Variants in IQCM observed in about 807,000 individuals in gnomAD.
IQCM encodes IQ motif containing M.
In IQCM, 45 loss-of-function variants were observed where a neutral mutation model predicts 57.6. That is an observed-to-expected ratio of 0.78 (90% CI 0.62 to 1.00). The LOEUF is 1.00. IQCM is among the 50% of genes least tolerant of loss of function. IQCM has a pLI of 0.00. For missense variants in IQCM, 468 were observed against 511.6 expected, an observed-to-expected ratio of 0.91 and a Z score of 0.82; for synonymous variants, 148 against 158.9, an observed-to-expected ratio of 0.93 and a Z score of 0.51.
intron 7 of IQCM, among the ~76,000 whole-genome samples, chr4:149,658,711 A>C (rs1276922303): frequency 6.6e-6 from 1 of 151,842 alleles, no homozygotes; most frequent in Non-Finnish European, 1.5e-5. Flanking sequence ...GGTTTAGTTT[A>C]TTTCTAGGTA....
chr4:149,539,995 T>A (rs927010050), intron 12 of IQCM, among the ~76,000 whole-genome samples: 1 of 152,152 alleles, frequency 6.6e-6, no homozygotes, highest in African/African-American at 2.4e-5. Flanking sequence ...ATTAACCTGT[T>A]AAGCAACTTT....
At chr4:149,715,994 A>G (rs1208753003) in intron 5 of IQCM, among the ~76,000 whole-genome samples, 9 of 152,174 alleles carry the variant, frequency 5.9e-5, no homozygotes, top group Non-Finnish European at 8.8e-5. Flanking sequence ...GGACCCAGAA[A>G]AAGCACCATA....
chr4:149,579,985 T>A (rs1752023585), intron 9 of IQCM, among the ~76,000 whole-genome samples: 1 of 151,832 alleles, frequency 6.6e-6, no homozygotes, highest in Non-Finnish European at 1.5e-5. Flanking sequence ...AAGTATATTC[T>A]CTAGCTTAGT....
intron 13 of IQCM, among the ~76,000 whole-genome samples, chr4:149,403,082 T>C (rs1445886628): frequency 6.6e-6 from 1 of 151,966 alleles, no homozygotes; most frequent in Non-Finnish European, 1.5e-5. Flanking sequence ...CACAAACATA[T>C]CCAGCATAAG....
At chr4:149,685,221 C>A (rs1243343348) in intron 6 of IQCM, among the ~76,000 whole-genome samples, 1 of 151,402 alleles carries the variant, frequency 6.6e-6, no homozygotes, top group Non-Finnish European at 1.5e-5. Flanking sequence ...AATCAGTTAA[C>A]CTTTTCAGTT....
chr4:149,488,756 G>GA (rs1338502010), intron 12 of IQCM, among the ~76,000 whole-genome samples: 2 of 151,850 alleles, frequency 1.3e-5, no homozygotes, highest in Non-Finnish European at 2.9e-5. Context: ...GTAAATTCTA[G>GA]AAAAAAATCA....
rs184597141 is a variant in IQCM, at chr4:149,404,915, C to T, written c.1390+28481G>A. 2.1e-3 allele frequency among the ~76,000 whole-genome samples: 323 copies of T among 152,136 alleles called. 4 individuals carry two copies. The highest frequency in any genetic ancestry group is 7.5e-3 in the African/African-American group (311 of 41,542). ...ATATTTAACAGACACAGACACCAAT[C>T]TGTATTCTATATAGCAAGCATAATT... On this transcript the variant is annotated intron_variant, in intron 13 of 13. Coordinates refer to ENST00000636793, the MANE Select transcript of IQCM (RefSeq NM_001363507.2).
intron 2 of IQCM, among the ~76,000 whole-genome samples, chr4:149,774,152 G>T (rs1265377178): frequency 6.6e-6 from 1 of 151,738 alleles, no homozygotes; most frequent in Non-Finnish European, 1.5e-5. Context: ...CTAATCCAAG[G>T]TTTATTTACA....
chr4:149,405,690 A>G (rs1732923884), intron 13 of IQCM, among the ~76,000 whole-genome samples: 2 of 151,804 alleles, frequency 1.3e-5, no homozygotes, highest in African/African-American at 4.8e-5. Flanking sequence ...ATAGCTCTGA[A>G]TAGCTTCTGA....
At chr4:149,685,132 G>T (rs141887269) in intron 6 of IQCM, among the ~76,000 whole-genome samples, 1 of 151,614 alleles carries the variant, frequency 6.6e-6, no homozygotes, top group East Asian at 1.9e-4. Flanking sequence ...TTATTAATAA[G>T]TGCTTCACTT....
chr4:149,530,766 C>T (rs1746648427), intron 12 of IQCM, among the ~76,000 whole-genome samples: 1 of 150,476 alleles, frequency 6.6e-6, no homozygotes, highest in African/African-American at 2.4e-5. Context: ...ATGTTACCTA[C>T]ACCTGCATAC....
At chr4:149,382,222 A>G (rs907083661) in intron 13 of IQCM, among the ~76,000 whole-genome samples, 1 of 152,204 alleles carries the variant, frequency 6.6e-6, no homozygotes, top group Non-Finnish European at 1.5e-5. Flanking sequence ...TAGATGCTCA[A>G]CAAACCCTTG....
chr4:149,593,141 G>C (rs1753376984), intron 8 of IQCM, among the ~76,000 whole-genome samples: 1 of 151,956 alleles, frequency 6.6e-6, no homozygotes, highest in Non-Finnish European at 1.5e-5. Flanking sequence ...GTTGAGCAGT[G>C]GTTTGTAGTT....
intron 13 of IQCM, among the ~76,000 whole-genome samples, chr4:149,416,523 C>T (rs1733760991): frequency 2.0e-5 from 3 of 151,958 alleles, no homozygotes; most frequent in African/African-American, 7.2e-5. Context: ...TAAGTGATGC[C>T]TGGGCCCCAC....
At chr4:149,747,478 T>C (rs547319354) in intron 2 of IQCM, among the ~76,000 whole-genome samples, 2 of 152,314 alleles carry the variant, frequency 1.3e-5, no homozygotes, top group African/African-American at 4.8e-5. Context: ...CACCATATTG[T>C]TTAGGAAATA....
intron 7 of IQCM, among the ~76,000 whole-genome samples, chr4:149,656,523 T>C (rs1376725776): frequency 2.0e-5 from 3 of 152,152 alleles, no homozygotes; most frequent in African/African-American, 7.2e-5. Flanking sequence ...ATACAGTGGA[T>C]TCCTGCATGA....
chr4:149,777,564 A>C (rs962459180), intron 2 of IQCM, among the ~76,000 whole-genome samples: 6 of 152,272 alleles, frequency 3.9e-5, no homozygotes, highest in African/African-American at 1.4e-4. Context: ...TGTTGTGTTG[A>C]GATTTATTCC....
intron 7 of IQCM, among the ~76,000 whole-genome samples, chr4:149,680,587 T>C (rs1205232901): frequency 6.6e-6 from 1 of 151,406 alleles, no homozygotes; most frequent in Non-Finnish European, 1.5e-5. Context: ...TAACATATGG[T>C]TATTAGCACC....
At chr4:149,354,363 CAAAAAAA>C (rs70965178) in intron 13 of IQCM, among the ~76,000 whole-genome samples, 218 of 20,254 alleles carry the variant, frequency 0.011, 7 homozygotes, top group African/African-American at 0.042. Context: ...GACTCCGTCT[CAAAAAAA>C]AAAAAAAAAA....
Sources: allele counts gnomAD v4.1 joint callset (sites outside exome capture counted in the v4.1 genomes callset), GRCh38; gene constraint gnomAD v4.1.1; transcripts MANE v1.5; gene names NCBI Gene and HGNC (gene_info 2026-07-23, HGNC 2026-07-21).